ASB3: variants seen among roughly 807,000 people sequenced by gnomAD.
ASB3 encodes ankyrin repeat and SOCS box containing 3.
ASB3 carries 41 observed loss-of-function variants against 54.5 expected under a neutral mutation model. The ratio of observed to expected loss-of-function variants is 0.75; its 90% CI spans 0.59 to 0.98. ASB3 has a LOEUF of 0.98. Ranked by LOEUF, ASB3 falls within the 50% of genes least tolerant of loss-of-function variation. The pLI, the probability that ASB3 is intolerant of heterozygous loss-of-function variation, is 0.00. For missense variants in ASB3, 733 were observed against 620.0 expected (o/e 1.18, Z -1.94); for synonymous variants, 266 against 221.2 (o/e 1.20, Z -1.80).
In ASB3 at chr2:53,670,068, T is replaced by C; in HGVS notation, c.*435A>G. 6.4e-6 allele frequency: 1 copy of C among 156,086 alleles called. No homozygotes were observed. The highest frequency in any genetic ancestry group is 1.4e-5 in the Non-Finnish European group (1 of 70,892). 9.7% of individuals were successfully genotyped at this position (156,086 alleles called of 1,614,324 possible). ...ATAATAACAGATTCTACACCACAGT[T>C]GTATACACTTCCAGTGAAGCTTTAT... On this transcript the variant is annotated 3_prime_UTR_variant, in exon 10 of 10. Transcript: ENST00000263634.
At chr2:53,783,817 T>C (rs1459741618) in intron 1 of ASB3, among the ~76,000 whole-genome samples, 1 of 152,216 alleles carries the variant, frequency 6.6e-6, no homozygotes, top group Non-Finnish European at 1.5e-5. Flanking sequence ...AATTACCTGT[T>C]TAATCCTTCC....
chr2:53,718,538 GAAC>G (rs1294889611), intron 5 of ASB3, among the ~76,000 whole-genome samples: 1 of 152,056 alleles, frequency 6.6e-6, no homozygotes, highest in Non-Finnish European at 1.5e-5. Context: ...GGAAATGAAA[GAAC>G]AACACTGATA....
chr2:53,690,770 T>C (rs1668871097), intron 9 of ASB3, among the ~76,000 whole-genome samples: 2 of 152,128 alleles, frequency 1.3e-5, no homozygotes, highest in South Asian at 2.1e-4. Flanking sequence ...AATATATATG[T>C]ATTATATAAA....
At position 53,693,949 on chromosome 2, in the gene ASB3, G is replaced by C. The variant is rs962305803; in HGVS notation, c.1304C>G (p.Ala435Gly). ...TLEFTNWKTLAPAVERMLSAR... is the reference protein window; with the variant it reads ...TLEFTNWKTLGPAVERMLSAR... ...AGAGAGCATCCTTTCAACAGCTGGT[G>C]CAAGTGTCTTCCAATTAGTAAACTC... Residue 435 changes from alanine (A) to glycine (G), a missense_variant, in exon 9 of 10, where the codon GCA (alanine) becomes GGA (glycine). Coordinates refer to ENST00000263634, the MANE Select transcript of ASB3 (RefSeq NM_016115.5). 3 of 1,613,640 alleles carry C rather than the reference G, an allele frequency of 1.9e-6. No homozygotes were observed. The highest frequency in any genetic ancestry group is 3.3e-5 in the Admixed American group (2 of 59,986).
At chr2:53,719,526 G>A (rs1483612678) in intron 5 of ASB3, among the ~76,000 whole-genome samples, 1 of 151,936 alleles carries the variant, frequency 6.6e-6, no homozygotes. Context: ...GCTCTGGCTG[G>A]GAAGATGCCA....
chr2:53,679,115 T>A (rs1447874907), intron 9 of ASB3, among the ~76,000 whole-genome samples: 1 of 152,166 alleles, frequency 6.6e-6, no homozygotes, highest in African/African-American at 2.4e-5. Flanking sequence ...ACTTCAATTA[T>A]TTTATCCTCA....
intron 5 of ASB3, among the ~76,000 whole-genome samples, 197 bp from the exon 6 acceptor site, chr2:53,716,940 G>C (rs1258621370): frequency 6.6e-6 from 1 of 152,144 alleles, no homozygotes; most frequent in Non-Finnish European, 1.5e-5. Flanking sequence ...TCGCTAAACT[G>C]ACAGGGTAGC....
At chr2:53,712,954 C>G (rs551019867) in intron 7 of ASB3, among the ~76,000 whole-genome samples, 1 of 152,152 alleles carries the variant, frequency 6.6e-6, no homozygotes, top group African/African-American at 2.4e-5. Flanking sequence ...ACGGGGTACA[C>G]AAGAAAATCC....
chr2:53,746,485 C>CTTTTT (rs371241627), intron 3 of ASB3, among the ~76,000 whole-genome samples: 2 of 139,066 alleles, frequency 1.4e-5, no homozygotes, highest in Admixed American at 7.2e-5. Context: ...GGGGTTTTTT[C>CTTTTT]TTTTTTTTTT....
chr2:53,672,519 T>C (rs1438696014), intron 9 of ASB3, among the ~76,000 whole-genome samples: 2 of 152,144 alleles, frequency 1.3e-5, no homozygotes, highest in Non-Finnish European at 1.5e-5. Context: ...TGTTCAACTA[T>C]CAAGTATAAG....
chr2:53,670,589 G>A lies in ASB3; in HGVS notation c.1471C>T (p.Pro491Ser). ...SDSYISQLPL[P>S]RSLHNYLLYE... ...AGCAAATAATTATGTAGGCTTCTGG[G>A]AAGTGGCAGCTGACTAATATAACTG... Residue 491 changes from proline (P) to serine (S), a missense_variant, in exon 10 of 10, where the codon CCC becomes TCC. Pro to Ser is a moderately conservative substitution (Grantham distance 74, BLOSUM62 -1). Coordinates refer to ENST00000263634, the MANE Select transcript of ASB3 (RefSeq NM_016115.5). 6.2e-7 allele frequency: 1 copy of A among 1,613,944 alleles called. No homozygotes were observed. Among genetic ancestry groups the A allele is most frequent in the East Asian group, 2.2e-5 (1 of 44,858 alleles).
At chr2:53,749,406 C>T (rs1354494106) in intron 3 of ASB3, among the ~76,000 whole-genome samples, 1 of 151,974 alleles carries the variant, frequency 6.6e-6, no homozygotes, top group Non-Finnish European at 1.5e-5. Context: ...ACTTGTTTCC[C>T]AAAGTTAAAC....
intron 5 of ASB3, among the ~76,000 whole-genome samples, chr2:53,721,113 T>C (rs1236944177): frequency 6.9e-6 from 1 of 145,736 alleles, no homozygotes; most frequent in Non-Finnish European, 1.5e-5. Context: ...CAAGACCCTG[T>C]CTCCAGAAAT....
chr2:53,785,839 C>A (rs1327605896), intron 1 of ASB3, among the ~76,000 whole-genome samples: 1 of 152,176 alleles, frequency 6.6e-6, no homozygotes, highest in African/African-American at 2.4e-5. Context: ...GAGACTTTGT[C>A]TCAAAACAAA....
At chr2:53,748,153 G>T (rs751789253) in intron 3 of ASB3, 1 of 152,094 alleles carries the variant, frequency 6.6e-6, no homozygotes, top group African/African-American at 2.4e-5. Flanking sequence ...CCCACACAAG[G>T]CTTAGTATAC....
chr2:53,741,960 G>C (rs971602170), intron 3 of ASB3, among the ~76,000 whole-genome samples: 1 of 152,172 alleles, frequency 6.6e-6, no homozygotes, highest in Non-Finnish European at 1.5e-5. Flanking sequence ...AGATGTGTCA[G>C]CTGCACATCT....
intron 8 of ASB3, among the ~76,000 whole-genome samples, chr2:53,696,384 G>A (rs11895003): frequency 0.013 from 1,936 of 152,188 alleles, 42 homozygotes; most frequent in African/African-American, 0.044. Flanking sequence ...TCACAAGTGG[G>A]GGAAAATGGG....
chr2:53,687,119 C>A (rs192051230), intron 9 of ASB3, among the ~76,000 whole-genome samples: 1 of 152,192 alleles, frequency 6.6e-6, no homozygotes, highest in African/African-American at 2.4e-5. Flanking sequence ...CCATTAGTAT[C>A]TAGTTTAATA....
chr2:53,712,749 C>T (rs1300427207), intron 7 of ASB3, among the ~76,000 whole-genome samples: 1 of 150,848 alleles, frequency 6.6e-6, no homozygotes, highest in Non-Finnish European at 1.5e-5. Flanking sequence ...ATATTGAACA[C>T]ACACACACAC....
Sources: allele counts gnomAD v4.1 joint callset (sites outside exome capture counted in the v4.1 genomes callset), GRCh38; gene constraint gnomAD v4.1.1; transcripts MANE v1.5; gene names NCBI Gene and HGNC (gene_info 2026-07-23, HGNC 2026-07-21).